MED13L: variants seen among roughly 807,000 people sequenced by gnomAD.
MED13L encodes the protein mediator complex subunit 13L.
A neutral mutation model predicts 220.9 loss-of-function variants in MED13L; 7 were observed. The observed-to-expected ratio is 0.03, with a 90% CI of 0.02 to 0.06. MED13L has a LOEUF of 0.06. MED13L is among the 10% of genes least tolerant of loss of function. The probability of loss-of-function intolerance (pLI) is 1.00; values close to 1 mark genes in which losing one functional copy is unlikely to be tolerated. For missense variants in MED13L, 1,965 were observed against 2,760.5 expected, an observed-to-expected ratio of 0.71 and a Z score of 6.46; for synonymous variants, 1,011 against 1,015.2, an observed-to-expected ratio of 1.00 and a Z score of 0.08.
intron 4 of MED13L, among the ~76,000 whole-genome samples, chr12:116,045,766 G>A (rs1167658619): frequency 1.3e-5 from 2 of 151,906 alleles, no homozygotes; most frequent in Admixed American, 6.6e-5. Flanking sequence ...CTTTAGACAG[G>A]TTACAAGTAA....
chr12:116,183,820 ATGTGTG>A (rs57716114), intron 2 of MED13L, among the ~76,000 whole-genome samples: 9 of 146,590 alleles, frequency 6.1e-5, no homozygotes, highest in Non-Finnish European at 1.2e-4. Context: ...GTGTGTGTGT[ATGTGTG>A]TGTGTGTGTG....
At chr12:116,128,142 T>C (rs1010027310) in intron 2 of MED13L, among the ~76,000 whole-genome samples, 20 of 152,268 alleles carry the variant, frequency 1.3e-4, no homozygotes, top group African/African-American at 4.1e-4. Context: ...CATTTACTAC[T>C]TGTCTTCTCA....
rs1159926558 is a variant in MED13L, at chr12:116,269,954, C to CT, written c.72+7105dup. On this transcript the variant is annotated intron_variant, in intron 1 of 30. Transcript: ENST00000281928. ...CAATGAAAAAATACAAGGCAGTTTTCTTTTTTTTTTTCAAACTAGAATCAA... is the reference window on the plus strand; with the variant it reads ...CAATGAAAAAATACAAGGCAGTTTTCTTTTTTTTTTTTCAAACTAGAATCAA... 6.5e-4 allele frequency among the ~76,000 whole-genome samples: 93 copies of CT among 143,600 alleles called. No individual in the cohort carries two copies. The South Asian group carries it at 7.3e-3, about 11-fold the overall frequency. 94.2% of individuals were successfully genotyped at this position (143,600 alleles called of 152,430 possible).
intron 2 of MED13L, among the ~76,000 whole-genome samples, chr12:116,194,520 G>A (rs1344868225): frequency 6.6e-6 from 1 of 152,052 alleles, no homozygotes; most frequent in Non-Finnish European, 1.5e-5. Flanking sequence ...AAATCATTCA[G>A]GACTACTTCA....
rs142907547 is a variant in MED13L at position 115,991,740 on chromosome 12, C to T, written c.3214G>A (p.Val1072Ile). ...CCTTGATCGGTGCTATCATACTTAACAGACCCTTGACCACTGGCAGTGCCC... is the reference window on the plus strand; with the variant it reads ...CCTTGATCGGTGCTATCATACTTAATAGACCCTTGACCACTGGCAGTGCCC... ...GGGTASGQGSVKYDSTDQGSP... is the reference protein window; with the variant it reads ...GGGTASGQGSIKYDSTDQGSP... Residue 1072 changes from valine to isoleucine, a missense_variant, in exon 17 of 31, where the codon GTT becomes ATT. Physicochemically the swap from Val to Ile is conservative, Grantham distance 29. Transcript: ENST00000281928. The surrounding 1 kb of genome is among the most constrained non-coding windows in gnomAD (Gnocchi z 7.7). 969 of 1,613,940 alleles carry T rather than the reference C, an allele frequency of 6.0e-4. No homozygotes were observed. The highest frequency in any genetic ancestry group is 7.9e-4 in the Non-Finnish European group (938 of 1,179,926).
intron 4 of MED13L, among the ~76,000 whole-genome samples, chr12:116,091,398 T>C (rs1216405946): frequency 1.3e-5 from 2 of 152,194 alleles, no homozygotes; most frequent in Admixed American, 6.5e-5. Context: ...AAGAGTTGGA[T>C]AGAAAGCAAA....
intron 2 of MED13L, among the ~76,000 whole-genome samples, chr12:116,124,891 T>C (rs1328852133): frequency 6.6e-6 from 1 of 152,226 alleles, no homozygotes; most frequent in Non-Finnish European, 1.5e-5. Flanking sequence ...ATAGAGAATT[T>C]GGTAGTTGAC....
chr12:116,014,484 T>C (rs1219903082), intron 8 of MED13L, among the ~76,000 whole-genome samples: 2 of 152,180 alleles, frequency 1.3e-5, no homozygotes, highest in Non-Finnish European at 2.9e-5. Context: ...GTTTAGGCAA[T>C]TAAAATAATC....
At chr12:115,987,000 A>G (rs769188727) in intron 18 of MED13L, 109 bp downstream of exon 18, 1 of 1,137,228 alleles carries the variant, frequency 8.8e-7, no homozygotes, top group Non-Finnish European at 1.3e-6. Context: ...GTCAAAGAAA[A>G]AGACTCCCCT....
chr12:115,984,443 G>T, intron 19 of MED13L, 71 bp from the exon 20 acceptor site: 1 of 1,537,740 alleles, frequency 6.5e-7, no homozygotes, highest in African/African-American at 1.4e-5. Context: ...GGTTAGCAAG[G>T]GAGATTCTTT....
chr12:116,226,187 AAG>A (rs902122090), intron 2 of MED13L, among the ~76,000 whole-genome samples: 3 of 152,084 alleles, frequency 2.0e-5, no homozygotes, highest in African/African-American at 4.8e-5. Flanking sequence ...GCACAAAAAA[AAG>A]AGAGGGAGAG....
At chr12:116,187,094 G>A (rs867638016) in intron 2 of MED13L, among the ~76,000 whole-genome samples, 2 of 152,002 alleles carry the variant, frequency 1.3e-5, no homozygotes, top group Non-Finnish European at 2.9e-5. Flanking sequence ...TGTTTTTGCC[G>A]AACTGCCTTA....
At chr12:116,135,691 A>G (rs59509739) in intron 2 of MED13L, among the ~76,000 whole-genome samples, 25,971 of 152,088 alleles carry the variant, frequency 0.17, 2,434 homozygotes, top group Middle Eastern at 0.27. Context: ...CTATCAAGGA[A>G]CCAGGCTCGT....
chr12:116,114,142 C>T (rs1265879420), intron 2 of MED13L, among the ~76,000 whole-genome samples: 1 of 152,020 alleles, frequency 6.6e-6, no homozygotes, highest in Non-Finnish European at 1.5e-5. Context: ...GGTGAAGAAA[C>T]CAGGTTACCT....
rs564990311 is a variant in MED13L at position 115,980,971 on chromosome 12, C to A, written c.5176-33G>T. ...CACAAATACAAAAAAAAAACAAAAA[C>A]CAAAAACCTAGAAACTGAGATCTAA... On this transcript the variant is annotated intron_variant, in intron 22 of 30. Transcript: ENST00000281928. 2,024 of 1,580,758 alleles carry A rather than the reference C, an allele frequency of 1.3e-3. 1 individual carries two copies. Among genetic ancestry groups the A allele is most frequent in the Non-Finnish European group, 1.7e-3 (1,972 of 1,162,896 alleles).
intron 2 of MED13L, among the ~76,000 whole-genome samples, chr12:116,123,305 T>C (rs1283860270): frequency 6.6e-6 from 1 of 152,162 alleles, no homozygotes; most frequent in African/African-American, 2.4e-5. Flanking sequence ...GTTCAGAAAT[T>C]ACAAGGAAAA....
chr12:116,119,033 G>A (rs1190564554), intron 2 of MED13L, among the ~76,000 whole-genome samples: 2 of 152,098 alleles, frequency 1.3e-5, no homozygotes, highest in African/African-American at 2.4e-5. Flanking sequence ...GGGAGGTGGG[G>A]AGACTACTCA....
intron 2 of MED13L, among the ~76,000 whole-genome samples, chr12:116,158,485 G>A (rs1878611830): frequency 1.3e-5 from 2 of 152,128 alleles, no homozygotes; most frequent in African/African-American, 2.4e-5. Flanking sequence ...ATATGTCTAC[G>A]TCTGTAGAAC....
At chr12:116,151,977 C>A (rs970656219) in intron 2 of MED13L, among the ~76,000 whole-genome samples, 1 of 152,174 alleles carries the variant, frequency 6.6e-6, no homozygotes, top group Non-Finnish European at 1.5e-5. Context: ...CCCTCAAATA[C>A]AACCTCTTCC....
Sources: allele counts gnomAD v4.1 joint callset (sites outside exome capture counted in the v4.1 genomes callset), GRCh38; gene constraint gnomAD v4.1.1; non-coding constraint Gnocchi (gnomAD v3.1); transcripts MANE v1.5; gene names NCBI Gene and HGNC (gene_info 2026-07-23, HGNC 2026-07-21).